The following MCOLN2 variants were observed in gnomAD, a reference collection of about 807,000 sequenced individuals.
The protein encoded by MCOLN2 is mucolipin TRP cation channel 2.
A neutral mutation model predicts 67.5 loss-of-function variants in MCOLN2; 57 were observed. The ratio of observed to expected loss-of-function variants is 0.84; its 90% CI spans 0.68 to 1.05. MCOLN2 has a LOEUF of 1.05. Ranked by LOEUF, MCOLN2 falls within the 50% of genes least tolerant of loss-of-function variation. The pLI is 0.00. For missense variants in MCOLN2, 620 were observed against 678.8 expected, an observed-to-expected ratio of 0.91 and a Z score of 0.96; for synonymous variants, 246 against 233.3, an observed-to-expected ratio of 1.05 and a Z score of -0.50.
chr1:84,992,362 G>C (rs576915528), intron 1 of MCOLN2, among the ~76,000 whole-genome samples: 33 of 152,296 alleles, frequency 2.2e-4, no homozygotes, highest in Admixed American at 5.9e-4. Flanking sequence ...AAAGGAATAT[G>C]GACAACATTC....
At chr1:84,949,182 T>C (rs1248170222) in intron 6 of MCOLN2, among the ~76,000 whole-genome samples, 1 of 152,150 alleles carries the variant, frequency 6.6e-6, no homozygotes, top group African/African-American at 2.4e-5. Context: ...TGAAGACAGG[T>C]CTTTTCAAAT....
At chr1:84,951,459 C>T (rs1180885519) in intron 6 of MCOLN2, among the ~76,000 whole-genome samples, 2 of 152,186 alleles carry the variant, frequency 1.3e-5, no homozygotes, top group Non-Finnish European at 2.9e-5. Context: ...TGAACTGTCT[C>T]TTCTACTATA....
intron 6 of MCOLN2, among the ~76,000 whole-genome samples, chr1:84,951,466 T>G (rs1648456842): frequency 6.6e-6 from 1 of 152,202 alleles, no homozygotes; most frequent in Admixed American, 6.5e-5. Context: ...TCTCTTCTAC[T>G]ATACATGCCC....
intron 1 of MCOLN2, among the ~76,000 whole-genome samples, chr1:84,979,266 C>T (rs184899512): frequency 6.6e-6 from 1 of 152,230 alleles, no homozygotes; most frequent in East Asian, 1.9e-4. Flanking sequence ...AGAACTAATA[C>T]CAATCCTACT....
At chr1:84,934,879 A>C (rs1570948954) in intron 11 of MCOLN2, among the ~76,000 whole-genome samples, 1 of 152,168 alleles carries the variant, frequency 6.6e-6, no homozygotes, top group East Asian at 1.9e-4. Context: ...CTCCCTTTCC[A>C]TTGAGCCCCT....
In MCOLN2 at chr1:84,938,204, G is replaced by GT. The variant is rs200803984; in HGVS notation, c.1111-123dup. ...TATCTGCCTCCCTATAGGTGATAGAGTTTTTTTTTGAAGAAAAAAAAGAAG... is the reference window on the plus strand; with the variant it reads ...TATCTGCCTCCCTATAGGTGATAGAGTTTTTTTTTTGAAGAAAAAAAAGAAG... On this transcript the variant is annotated intron_variant, in intron 9 of 13. Coordinates refer to ENST00000370608, the MANE Select transcript of MCOLN2 (RefSeq NM_153259.4). The GT allele has an allele frequency of 3.6e-3, 1,676 of 464,436 alleles. 8 individuals carry two copies. The highest frequency in any genetic ancestry group is 0.021 in the African/African-American group (1,059 of 49,604). The allele number at this position is 464,436 out of a possible 1,614,324, so 28.8% of individuals were successfully genotyped here.
At chr1:84,987,522 A>AGG (rs1557665731) in intron 1 of MCOLN2, among the ~76,000 whole-genome samples, 4,873 of 73,480 alleles carry the variant, frequency 0.066, 577 homozygotes, top group East Asian at 0.23. Flanking sequence ...ATATGTATAT[A>AGG]TGTATACATC....
intron 12 of MCOLN2, among the ~76,000 whole-genome samples, chr1:84,930,707 C>T (rs1317183900): frequency 6.6e-6 from 1 of 152,142 alleles, no homozygotes; most frequent in African/African-American, 2.4e-5. Flanking sequence ...GAAAACAGCC[C>T]TGACAAAGGC....
intron 1 of MCOLN2, 80 bp downstream of exon 1, chr1:84,996,716 A>G: frequency 8.0e-7 from 1 of 1,251,024 alleles, no homozygotes. Context: ...AGCAAGCTCT[A>G]GTCTACGAAA....
At chr1:84,960,287 G>A (rs1649020157) in intron 2 of MCOLN2, among the ~76,000 whole-genome samples, 1 of 152,028 alleles carries the variant, frequency 6.6e-6, no homozygotes, top group African/African-American at 2.4e-5. Context: ...TTTTACATAC[G>A]TGCAACCTGA....
At chr1:84,974,562 G>A (rs1254600210) in intron 1 of MCOLN2, among the ~76,000 whole-genome samples, 1 of 151,816 alleles carries the variant, frequency 6.6e-6, no homozygotes, top group East Asian at 1.9e-4. Context: ...GCCTTGAAGG[G>A]AAGAACCCAT....
chr1:84,930,618 A>G (rs1661361115), intron 12 of MCOLN2, among the ~76,000 whole-genome samples: 1 of 152,072 alleles, frequency 6.6e-6, no homozygotes, highest in Non-Finnish European at 1.5e-5. Flanking sequence ...TCCCACCTGA[A>G]CACTTACTTA....
At chr1:84,969,848 AAAT>A (rs1649576495) in intron 1 of MCOLN2, among the ~76,000 whole-genome samples, 1 of 152,232 alleles carries the variant, frequency 6.6e-6, no homozygotes, top group Non-Finnish European at 1.5e-5. Flanking sequence ...TAAAATAAGT[AAAT>A]ATTACGGAAG....
Position 84,956,436 on chromosome 1 carries a change from T to C in MCOLN2, c.560A>G (p.Glu187Gly), listed in dbSNP as rs769184272. 1 of 1,611,442 alleles carries C rather than the reference T, an allele frequency of 6.2e-7. No individual in the cohort carries two copies. The highest frequency in any genetic ancestry group is 8.5e-7 in the Non-Finnish European group (1 of 1,179,198). The change falls in exon 4 of 14, where the codon GAG (glutamate) becomes GGG (glycine). Residue 187 changes from glutamate (E) to glycine (G), a missense_variant. By Grantham distance (98) the Glu-to-Gly change is moderately conservative (BLOSUM62 -2). Coordinates refer to ENST00000370608, the MANE Select transcript of MCOLN2 (RefSeq NM_153259.4). ...TGAAATTATCACTGCATTACCGAGC[T>C]CAACGTCGTTGTCAATATTCAGTGT... ...NETLNIDNDV[E>G]LDCVQLDLQD...
intron 1 of MCOLN2, among the ~76,000 whole-genome samples, chr1:84,975,374 G>A (rs564351436): frequency 6.6e-6 from 1 of 152,310 alleles, no homozygotes; most frequent in Admixed American, 6.5e-5. Context: ...GAGACAAAAA[G>A]GGTAGAGAAC....
intron 11 of MCOLN2, among the ~76,000 whole-genome samples, chr1:84,936,786 G>T (rs1647457862): frequency 6.6e-6 from 1 of 152,156 alleles, no homozygotes; most frequent in African/African-American, 2.4e-5. Flanking sequence ...AACCAGATTT[G>T]ATCACAGATT....
rs1278493555 is a variant in MCOLN2 at position 84,958,602 on chromosome 1, T to C, written c.338A>G (p.Asp113Gly). The C allele has an allele frequency of 1.2e-6, 2 of 1,611,686 alleles. No individual in the cohort carries two copies. The highest frequency in any genetic ancestry group is 1.7e-6 in the Non-Finnish European group (2 of 1,179,572). The change falls in exon 3 of 14, where the codon GAT (aspartate) becomes GGT (glycine). Residue 113 changes from aspartate (D) to glycine (G), a missense_variant. Transcript: ENST00000370608. ...HLFLKGYSGT[D>G]EDDYSCSVYT... ...TACACTGCAGCTGTAGTCATCTTCA[T>C]CTGTACCAGAATATCCTTTCAAAAA...
At chr1:84,951,776 A>G (rs751384163) in intron 6 of MCOLN2, among the ~76,000 whole-genome samples, 8 of 152,236 alleles carry the variant, frequency 5.3e-5, no homozygotes, top group Non-Finnish European at 1.0e-4. Context: ...TGGATCAACA[A>G]TAATACCATA....
intron 13 of MCOLN2, among the ~76,000 whole-genome samples, chr1:84,928,980 T>C (rs749249308): frequency 1.3e-5 from 2 of 152,162 alleles, no homozygotes; most frequent in Non-Finnish European, 2.9e-5. Flanking sequence ...AAAATTGTCT[T>C]CACCTGACCC....
Sources: allele counts gnomAD v4.1 joint callset (sites outside exome capture counted in the v4.1 genomes callset), GRCh38; gene constraint gnomAD v4.1.1; transcripts MANE v1.5; gene names NCBI Gene and HGNC (gene_info 2026-07-23, HGNC 2026-07-21).